The following TLE1 variants were observed in gnomAD, a reference collection of about 807,000 sequenced individuals.
TLE1 encodes transducin-like enhancer protein 1.
Under a neutral mutation model 89.8 loss-of-function variants are expected in TLE1, and 21 were observed. The observed-to-expected ratio is 0.23, with a 90% CI of 0.17 to 0.34. The LOEUF (loss-of-function observed/expected upper bound fraction) is 0.34, where lower values mean the gene tolerates loss of function less well. TLE1 is among the 10% of genes least tolerant of loss of function. TLE1 has a pLI of 1.00. For missense variants in TLE1, 795 were observed against 1,031.2 expected (o/e 0.77, Z 3.14); for synonymous variants, 447 against 407.6 (o/e 1.10, Z -1.16).
Position 81,616,030 on chromosome 9 carries a change from C to T in TLE1, c.870G>A (p.Thr290=), listed in dbSNP as rs755701794. 26 of 1,613,766 alleles carry T rather than the reference C, an allele frequency of 1.6e-5. No homozygotes were observed. Among genetic ancestry groups the T allele is most frequent in the Middle Eastern group, 3.3e-4 (2 of 6,030 alleles). ...AAGAAGTGGAACTTGCCGAGGAGGC[C>T]GTGGAAGCTGGACTGCTAGAAGCAT... The part of the protein sequence containing the change: ...KKDASSSPAS[T]ASSASSTSLK... Residue 290 remains threonine (T), a synonymous_variant, in exon 11 of 20, where the codon ACG becomes ACA. Transcript: ENST00000376499.
At chr9:81,644,111 A>G (rs1828519668) in intron 6 of TLE1, among the ~76,000 whole-genome samples, 1 of 152,254 alleles carries the variant, frequency 6.6e-6, no homozygotes. Context: ...GAGATCATGT[A>G]GAGAAATTGG....
At chr9:81,636,475 C>T (rs572797338) in intron 6 of TLE1, among the ~76,000 whole-genome samples, 98 of 151,670 alleles carry the variant, frequency 6.5e-4, no homozygotes, top group Middle Eastern at 3.4e-3. Flanking sequence ...TGCAATGATG[C>T]ATACACAAGC....
At chr9:81,622,897 G>A (rs1210884278) in intron 8 of TLE1, among the ~76,000 whole-genome samples, 1 of 152,174 alleles carries the variant, frequency 6.6e-6, no homozygotes. Flanking sequence ...CCACGCAGCT[G>A]CCGGACGCCC....
intron 14 of TLE1, among the ~76,000 whole-genome samples, chr9:81,595,606 CAGG>C (rs1329641882): frequency 2.6e-5 from 4 of 152,044 alleles, no homozygotes; most frequent in African/African-American, 9.7e-5. Context: ...ATCACGAGAT[CAGG>C]AGATCAAGAC....
chr9:81,662,557 G>A (rs1830950173), intron 4 of TLE1, among the ~76,000 whole-genome samples: 1 of 151,772 alleles, frequency 6.6e-6, no homozygotes, highest in Non-Finnish European at 1.5e-5. Context: ...AATTAGCAGG[G>A]CATGGTGATG....
chr9:81,610,149 A>G, intron 14 of TLE1, 71 bp downstream of exon 14: 1 of 1,375,738 alleles, frequency 7.3e-7, no homozygotes, highest in Admixed American at 1.9e-5. Flanking sequence ...TCCCTTTGGA[A>G]TTCTAGTCTG....
chr9:81,589,148 C>G (rs1587856092), intron 16 of TLE1, among the ~76,000 whole-genome samples: 1 of 152,188 alleles, frequency 6.6e-6, no homozygotes, highest in Non-Finnish European at 1.5e-5. Context: ...CCCTGCTTCA[C>G]TTGGTGAAAG....
chr9:81,590,776 C>T, intron 16 of TLE1, 29 bp downstream of exon 16: 1 of 1,603,638 alleles, frequency 6.2e-7, no homozygotes, highest in African/African-American at 1.3e-5. Context: ...AAGAAGCGAA[C>T]CCCTCCTTAG....
chr9:81,657,724 C>G (rs192272404), intron 4 of TLE1, among the ~76,000 whole-genome samples: 1 of 152,134 alleles, frequency 6.6e-6, no homozygotes, highest in Non-Finnish European at 1.5e-5. Flanking sequence ...TAAGGATGCT[C>G]AAGTCCTTTA....
At chr9:81,667,385 CAAA>C (rs397893862) in intron 4 of TLE1, among the ~76,000 whole-genome samples, 9 of 89,860 alleles carry the variant, frequency 1.0e-4, no homozygotes, top group African/African-American at 4.4e-5. Flanking sequence ...CAGACTGTCT[CAAA>C]AAAAAAAAAA....
chr9:81,588,863 G>T (rs1269469535), intron 16 of TLE1, among the ~76,000 whole-genome samples: 1 of 152,128 alleles, frequency 6.6e-6, no homozygotes, highest in Non-Finnish European at 1.5e-5. Context: ...CTTCCTCCAG[G>T]ATCCCCACAC....
In TLE1 at chr9:81,685,880, C is replaced by G; in HGVS notation, c.142G>C (p.Glu48Gln). The G allele has an allele frequency of 6.2e-7, 1 of 1,613,520 alleles. No homozygotes were observed. The highest frequency in any genetic ancestry group is 8.5e-7 in the Non-Finnish European group (1 of 1,180,014). Reference sequence around the variant, plus strand: ...TCTGTCTTTTCACTTGCCAGTTTCTCACATTCCAATTTAAGGCTAGGAAAA... The same window carrying G: ...TCTGTCTTTTCACTTGCCAGTTTCTGACATTCCAATTTAAGGCTAGGAAAA... The part of the protein sequence containing the change: ...AQYHSLKLEC[E>Q]KLASEKTEMQ... Residue 48 changes from glutamate to glutamine, a missense_variant, in exon 3 of 20, where the codon GAG (glutamate) becomes CAG (glutamine). By Grantham distance (29) the Glu-to-Gln change is conservative. Around this residue, in one of 4 missense-constraint regions of TLE1, gnomAD observed 66 missense variants for 118.7 expected, o/e 0.56. Coordinates refer to ENST00000376499, the MANE Select transcript of TLE1 (RefSeq NM_005077.5).
chr9:81,609,273 C>G (rs1302202231), intron 14 of TLE1, among the ~76,000 whole-genome samples: 2 of 151,980 alleles, frequency 1.3e-5, no homozygotes, highest in East Asian at 3.9e-4. Context: ...TTAGTAGAGA[C>G]GGGGTTTCGC....
chr9:81,591,126 C>G, intron 15 of TLE1, 74 bp from the exon 16 acceptor site: 11 of 1,553,774 alleles, frequency 7.1e-6, no homozygotes, highest in Non-Finnish European at 8.7e-6. Flanking sequence ...TAATGGCTGT[C>G]TTGGTTTTTT....
intron 8 of TLE1, among the ~76,000 whole-genome samples, chr9:81,632,401 A>G (rs994913185): frequency 3.3e-5 from 5 of 151,896 alleles, no homozygotes; most frequent in South Asian, 4.2e-4. Flanking sequence ...AAGAGGGGGG[A>G]AAAAACCCTG....
intron 13 of TLE1, among the ~76,000 whole-genome samples, chr9:81,611,000 T>A (rs551815001): frequency 9.1e-4 from 138 of 152,242 alleles, no homozygotes; most frequent in African/African-American, 2.8e-3. Context: ...TGAATCTTAA[T>A]GTCACCGCAA....
At chr9:81,632,406 A>G (rs1421804442) in intron 8 of TLE1, among the ~76,000 whole-genome samples, 2 of 151,752 alleles carry the variant, frequency 1.3e-5, no homozygotes, top group Non-Finnish European at 1.5e-5. Flanking sequence ...GGGGGAAAAA[A>G]CCCTGAACTT....
intron 14 of TLE1, chr9:81,599,854 T>C (rs1297176676): frequency 9.5e-6 from 4 of 419,292 alleles, no homozygotes; most frequent in African/African-American, 2.0e-5. Flanking sequence ...AAGCATTAGG[T>C]TGGGAGACTC....
At chr9:81,614,014 T>A (rs1824076596) in intron 11 of TLE1, among the ~76,000 whole-genome samples, 1 of 151,078 alleles carries the variant, frequency 6.6e-6, no homozygotes, top group African/African-American at 2.4e-5. Flanking sequence ...TTCACGCCAT[T>A]CTCCTGCCTC....
Sources: allele counts gnomAD v4.1 joint callset (sites outside exome capture counted in the v4.1 genomes callset), GRCh38; gene constraint gnomAD v4.1.1; regional missense constraint gnomAD v4.1.1; transcripts MANE v1.5; gene names NCBI Gene and HGNC (gene_info 2026-07-23, HGNC 2026-07-21).